The following LYRM4 variants were observed in gnomAD, a reference collection of about 807,000 sequenced individuals.
LYRM4 encodes LYR motif-containing protein 4.
Under a neutral mutation model 11.7 loss-of-function variants are expected in LYRM4, and 9 were observed. The ratio of observed to expected loss-of-function variants is 0.77; its 90% CI spans 0.46 to 1.34. The LOEUF is 1.34. Among genes scored for constraint, LYRM4 ranks in the 40% most tolerant of loss-of-function variants. LYRM4 has a pLI of 0.00. For missense variants in LYRM4, 133 were observed against 112.5 expected (o/e 1.18, Z -0.82); for synonymous variants, 42 against 40.4 (o/e 1.04, Z -0.15).
rs183584268 is a variant in LYRM4 at position 5,120,409 on chromosome 6, G to A, written c.208-10918C>T. 4.6e-5 allele frequency among the ~76,000 whole-genome samples: 7 copies of A among 152,280 alleles called. No individual in the cohort carries two copies. In the East Asian group the frequency reaches 9.6e-4, roughly 21 times the overall value. On this transcript the variant is annotated intron_variant, in intron 2 of 2. Coordinates refer to ENST00000330636, the MANE Select transcript of LYRM4 (RefSeq NM_020408.6). ...GGAGTTTGTTCCTTCTGGTGGGTTC[G>A]TGGTCTCTCTGACTTCAGGAATGAA...
At chr6:5,110,804 A>G (rs995274667) in intron 2 of LYRM4, among the ~76,000 whole-genome samples, 5 of 152,178 alleles carry the variant, frequency 3.3e-5, no homozygotes, top group African/African-American at 1.2e-4. Flanking sequence ...CTTTCCTCTC[A>G]TTAATATAGA....
chr6:5,237,454 A>C (rs1763617178), intron 1 of LYRM4, among the ~76,000 whole-genome samples: 1 of 151,846 alleles, frequency 6.6e-6, no homozygotes, highest in South Asian at 2.1e-4. Flanking sequence ...TATTATGGTG[A>C]GTTTCATAAT....
the LYRM4 span, chr6:5,086,444 AGC>A: frequency 1.3e-6 from 2 of 1,536,620 alleles, no homozygotes; most frequent in Non-Finnish European, 1.7e-6. Flanking sequence ...GACGCCGACG[AGC>A]GCGGCGTCGC....
chr6:5,120,223 A>G (rs1042192873), intron 2 of LYRM4, among the ~76,000 whole-genome samples: 2 of 152,166 alleles, frequency 1.3e-5, no homozygotes, highest in African/African-American at 4.8e-5. Flanking sequence ...ATGGATCTCA[A>G]AGAGCCCAAA....
intron 2 of LYRM4, among the ~76,000 whole-genome samples, chr6:5,114,933 A>T (rs1763052168): frequency 6.6e-6 from 1 of 152,228 alleles, no homozygotes; most frequent in African/African-American, 2.4e-5. Flanking sequence ...TAGTCTGTTA[A>T]ATCACATATA....
chr6:5,066,693 T>A, the LYRM4 span: 1 of 914,222 alleles, frequency 1.1e-6, no homozygotes, highest in African/African-American at 1.6e-5. Context: ...CAGCAATAGG[T>A]GTGGAGGTCT....
the LYRM4 span, among the ~76,000 whole-genome samples, chr6:5,059,218 G>A: frequency 6.6e-6 from 1 of 151,946 alleles, no homozygotes; most frequent in African/African-American, 2.4e-5. Context: ...GCACACACAT[G>A]TAGTCTTAGC....
chr6:5,241,058 G>C (rs1306337877), intron 1 of LYRM4, among the ~76,000 whole-genome samples: 1 of 152,186 alleles, frequency 6.6e-6, no homozygotes, highest in Non-Finnish European at 1.5e-5. Context: ...TCTATTCTAT[G>C]AACTGCAGCT....
Position 5,230,802 on chromosome 6 carries a change from CAT to C in LYRM4, c.87-14066_87-14065del, listed in dbSNP as rs1763192564. ...CAGCTATTAGTCACTGGCAACAACACATGAGCAAGGAAGGAAGGAGAAAAGGG... is the reference window on the plus strand; with the variant it reads ...CAGCTATTAGTCACTGGCAACAACACGAGCAAGGAAGGAAGGAGAAAAGGG... On this transcript the variant is annotated intron_variant, in intron 1 of 2. Coordinates refer to ENST00000330636, the MANE Select transcript of LYRM4 (RefSeq NM_020408.6). Among the ~76,000 whole-genome samples the C allele has an allele frequency of 4.6e-5, 7 of 152,262 alleles. No homozygotes were observed. In the South Asian group the frequency reaches 1.2e-3, roughly 27 times the overall value.
chr6:5,101,423 AC>A (rs1196625241), downstream of LYRM4, among the ~76,000 whole-genome samples: 1 of 152,238 alleles, frequency 6.6e-6, no homozygotes, highest in Non-Finnish European at 1.5e-5. Context: ...TCGTGAAAGA[AC>A]TTTGTGTTAC....
chr6:5,063,146 A>AT, the LYRM4 span, among the ~76,000 whole-genome samples: 5 of 151,866 alleles, frequency 3.3e-5, no homozygotes, highest in African/African-American at 9.7e-5. Context: ...CCTGAATAGG[A>AT]TTTTTTTTGA....
At chr6:5,234,793 G>A (rs1454688947) in intron 1 of LYRM4, among the ~76,000 whole-genome samples, 1 of 152,118 alleles carries the variant, frequency 6.6e-6, no homozygotes, top group African/African-American at 2.4e-5. Context: ...AACATGGGAT[G>A]GAATTCTCTG....
chr6:5,051,630 C>T, the LYRM4 span, among the ~76,000 whole-genome samples: 2 of 152,150 alleles, frequency 1.3e-5, no homozygotes, highest in African/African-American at 4.8e-5. Context: ...AAGACATTCC[C>T]AGATAAACAA....
chr6:5,137,314 C>T (rs1294359381), intron 2 of LYRM4, among the ~76,000 whole-genome samples: 1 of 152,182 alleles, frequency 6.6e-6, no homozygotes, highest in Non-Finnish European at 1.5e-5. Flanking sequence ...GCATATAAGT[C>T]TTTGTGTGGA....
At chr6:5,081,862 G>A in the LYRM4 span, among the ~76,000 whole-genome samples, 632 of 152,242 alleles carry the variant, frequency 4.2e-3, 17 homozygotes, top group East Asian at 0.057. Flanking sequence ...CAAGTGATTA[G>A]AGGACTGGAA....
the LYRM4 span, among the ~76,000 whole-genome samples, chr6:5,076,810 A>G: frequency 6.6e-6 from 1 of 152,128 alleles, no homozygotes; most frequent in African/African-American, 2.4e-5. Context: ...GCTCATTGAG[A>G]AGCATCGATC....
At chr6:5,117,516 C>T (rs1451969054) in intron 2 of LYRM4, among the ~76,000 whole-genome samples, 1 of 151,080 alleles carries the variant, frequency 6.6e-6, no homozygotes, top group Non-Finnish European at 1.5e-5. Flanking sequence ...GATCGCACTC[C>T]AGCCTGGTGA....
At chr6:5,232,449 A>G (rs1763297543) in intron 1 of LYRM4, among the ~76,000 whole-genome samples, 1 of 152,252 alleles carries the variant, frequency 6.6e-6, no homozygotes, top group Admixed American at 6.5e-5. Context: ...ACTGAGGGTC[A>G]TTACATCAAA....
At chr6:5,089,446 CTTAAAA>C in the LYRM4 span, 7 of 152,096 alleles carry the variant, frequency 4.6e-5, no homozygotes. Context: ...TTTTGAATTA[CTTAAAA>C]TTAAATGAGG....
Sources: gnomAD v4.1 joint callset for allele counts (sites outside exome capture counted in the v4.1 genomes callset) on GRCh38, gnomAD v4.1.1 for gene constraint, MANE v1.5 for transcripts, NCBI Gene and HGNC (gene_info 2026-07-23, HGNC 2026-07-21) for gene names.